PREPL: variants seen among roughly 807,000 people sequenced by gnomAD.
PREPL encodes prolyl endopeptidase like.
PREPL carries 77 observed loss-of-function variants against 70.6 expected under a neutral mutation model. The ratio of observed to expected loss-of-function variants is 1.09; its 90% confidence interval spans 0.91 to 1.32. The LOEUF (loss-of-function observed/expected upper bound fraction) is 1.32, where lower values mean the gene tolerates loss of function less well. Ranked by LOEUF, PREPL falls within the 40% of genes most tolerant of loss-of-function variation. The probability of loss-of-function intolerance (pLI) is 0.00; values close to 1 mark genes in which losing one functional copy is unlikely to be tolerated. For synonymous variants in PREPL, 315 were observed against 264.8 expected (o/e 1.19, Z -1.84); for missense variants, 1,002 against 778.2 (o/e 1.29, Z -3.42).
At position 44,317,987 on chromosome 2, in the gene PREPL, T is replaced by C. The variant is rs79748009; in HGVS notation, c.*3369A>G. 3.3e-4 allele frequency: 103 copies of C among 308,906 alleles called. 1 individual carries two copies. The East Asian group carries it at 0.011, about 34-fold the overall frequency. 19.1% of individuals were successfully genotyped at this position (308,906 alleles called of 1,614,324 possible). Reference sequence around the variant, plus strand: ...TAATAGAAAGCTTGCAACCCAGCTATAGCTATAAACACAAAAAATGAAGTT... The same window carrying C: ...TAATAGAAAGCTTGCAACCCAGCTACAGCTATAAACACAAAAAATGAAGTT... On this transcript the variant is annotated 3_prime_UTR_variant, in exon 14 of 14. Transcript: ENST00000409411.
chr2:44,349,754 A>AG (rs2104085157), intron 1 of PREPL, among the ~76,000 whole-genome samples: 1 of 152,278 alleles, frequency 6.6e-6, no homozygotes, highest in Admixed American at 6.5e-5. Flanking sequence ...CACGAGGTCA[A>AG]GAAAAAAGAA....
intron 1 of PREPL, 77 bp from the exon 2 acceptor site, chr2:44,346,467 C>G (rs1664079541): frequency 1.5e-6 from 2 of 1,336,576 alleles, no homozygotes; most frequent in African/African-American, 1.5e-5. Flanking sequence ...ATAAGTAGGT[C>G]TATACCGTAG....
At chr2:44,329,472 T>C (rs1435632329) in intron 8 of PREPL, among the ~76,000 whole-genome samples, 3 of 152,210 alleles carry the variant, frequency 2.0e-5, no homozygotes, top group Non-Finnish European at 4.4e-5. Context: ...AGTCCTAGTA[T>C]AGCACTCTTC....
In PREPL at chr2:44,338,650, C is replaced by G. The variant is rs1049220265; in HGVS notation, c.703-114G>C. The G allele has an allele frequency of 2.3e-5, 19 of 839,146 alleles. No individual in the cohort carries two copies. The African/African-American group carries it at 2.4e-4, about 11-fold the overall frequency. The allele number at this position is 839,146 out of a possible 1,614,324, so 52.0% of individuals were successfully genotyped here. On this transcript the variant is annotated intron_variant, in intron 6 of 13. Coordinates refer to ENST00000409411, the MANE Select transcript of PREPL (RefSeq NM_001171613.2). ...CTAGTCCTCACTGTTTTATGAAGAGCTGAAGGAACTAACGCTGCATCAGGG... is the reference window on the plus strand; with the variant it reads ...CTAGTCCTCACTGTTTTATGAAGAGGTGAAGGAACTAACGCTGCATCAGGG...
intron 6 of PREPL, 27 bp downstream of exon 6, chr2:44,339,120 A>T (rs1371407042): frequency 1.2e-6 from 2 of 1,611,664 alleles, no homozygotes; most frequent in East Asian, 4.5e-5. Flanking sequence ...AACAGCCCAA[A>T]TAGGAACAAC....
At chr2:44,337,626 G>T (rs1048014483) in intron 7 of PREPL, among the ~76,000 whole-genome samples, 2 of 152,138 alleles carry the variant, frequency 1.3e-5, no homozygotes, top group African/African-American at 4.8e-5. Flanking sequence ...AAACAAAATG[G>T]AAGCCATCCT....
intron 1 of PREPL, 37 bp from the exon 2 acceptor site, chr2:44,346,427 C>T (rs776626082): frequency 3.1e-6 from 5 of 1,595,454 alleles, no homozygotes; most frequent in Non-Finnish European, 3.4e-6. Context: ...ATATTTCAAA[C>T]TAGGGAAAAA....
intron 7 of PREPL, among the ~76,000 whole-genome samples, chr2:44,337,782 G>T (rs1674785308): frequency 6.6e-6 from 1 of 152,216 alleles, no homozygotes; most frequent in Admixed American, 6.5e-5. Flanking sequence ...CAACTAGTCA[G>T]CTTGCCAAGC....
rs991739022 is a variant in PREPL, at chr2:44,319,225, A to C, written c.*2131T>G. 6.6e-6 allele frequency: 1 copy of C among 152,620 alleles called. No individual in the cohort carries two copies. The highest frequency in any genetic ancestry group is 6.5e-5 in the Admixed American group (1 of 15,272). 9.5% of individuals were successfully genotyped at this position (152,620 alleles called of 1,614,324 possible). ...AACAATAACAACCACAATAACAACT[A>C]TCACCCCAGTAAACATGGCTGGCAA... is the stretch of plus-strand genomic sequence containing the variant. On this transcript the variant is annotated 3_prime_UTR_variant, in exon 14 of 14. Transcript: ENST00000409411.
intron 1 of PREPL, among the ~76,000 whole-genome samples, chr2:44,349,708 T>C (rs1006427084): frequency 1.3e-5 from 2 of 152,166 alleles, no homozygotes; most frequent in Admixed American, 1.3e-4. Context: ...CTCACGCCTG[T>C]AATCTCGGCA....
Position 44,320,536 on chromosome 2 carries a change from C to G in PREPL, c.*820G>C, listed in dbSNP as rs121912695. Reference sequence around the variant, plus strand: ...GAGGGACTCATCTTTGAACACAACACGAAGAATCTCCTTCATCGCCAAACA... The same window carrying G: ...GAGGGACTCATCTTTGAACACAACAGGAAGAATCTCCTTCATCGCCAAACA... On this transcript the variant is annotated 3_prime_UTR_variant, in exon 14 of 14. Coordinates refer to ENST00000409411, the MANE Select transcript of PREPL (RefSeq NM_001171613.2). The G allele has an allele frequency of 4.3e-6, 7 of 1,614,036 alleles. No homozygotes were observed. The highest frequency in any genetic ancestry group is 5.1e-6 in the Non-Finnish European group (6 of 1,179,934).
At chr2:44,326,968 A>G in intron 9 of PREPL, 40 bp from the exon 10 acceptor site, 1 of 1,556,560 alleles carries the variant, frequency 6.4e-7, no homozygotes, top group Non-Finnish European at 8.8e-7. Flanking sequence ...GGAAAAAAAA[A>G]GTTAATACTG....
intron 1 of PREPL, among the ~76,000 whole-genome samples, chr2:44,350,981 G>C (rs1336260517): frequency 7.3e-5 from 11 of 150,458 alleles, no homozygotes; most frequent in Non-Finnish European, 1.3e-4. Flanking sequence ...TTTTGTTTGA[G>C]ATGGGATTTC....
At chr2:44,333,499 G>A (rs544097038) in intron 7 of PREPL, among the ~76,000 whole-genome samples, 1 of 151,902 alleles carries the variant, frequency 6.6e-6, no homozygotes, top group African/African-American at 2.4e-5. Flanking sequence ...AAAATCAGAG[G>A]CACAGAAACA....
intron 11 of PREPL, 38 bp from the exon 12 acceptor site, chr2:44,322,892 T>G: frequency 6.2e-7 from 1 of 1,604,888 alleles, no homozygotes; most frequent in Non-Finnish European, 8.5e-7. Context: ...TTACATTATT[T>G]CTTATGGTCC....
Position 44,317,978 on chromosome 2 carries a change from A to ACCCAGC in PREPL, c.*3372_*3377dup. 7.1e-6 allele frequency: 2 copies of ACCCAGC among 280,508 alleles called. No individual in the cohort carries two copies. The highest frequency in any genetic ancestry group is 5.6e-5 in the South Asian group (2 of 35,682). The allele number at this position is 280,508 out of a possible 1,614,324, so 17.4% of individuals were successfully genotyped here. On this transcript the variant is annotated 3_prime_UTR_variant, in exon 14 of 14. Transcript: ENST00000409411. Reference sequence around the variant, plus strand: ...GCAAGCAAATAATAGAAAGCTTGCAACCCAGCTATAGCTATAAACACAAAA... The same window carrying ACCCAGC: ...GCAAGCAAATAATAGAAAGCTTGCAACCCAGCCCCAGCTATAGCTATAAACACAAAA...
chr2:44,331,004 G>A (rs62135190), intron 8 of PREPL, among the ~76,000 whole-genome samples: 5,518 of 152,132 alleles, frequency 0.036, 149 homozygotes, highest in South Asian at 0.07. Context: ...ATGCAATGGC[G>A]CAATCACAAC....
At chr2:44,356,902 T>C (rs1267212125) in intron 1 of PREPL, among the ~76,000 whole-genome samples, 4 of 146,950 alleles carry the variant, frequency 2.7e-5, no homozygotes, top group African/African-American at 1.1e-4. Context: ...CCTCCCAGGC[T>C]GAATCAATCA....
At chr2:44,359,899 T>A (rs1677490600) in intron 1 of PREPL, 1 of 560,532 alleles carries the variant, frequency 1.8e-6, no homozygotes, top group Non-Finnish European at 3.2e-6. Context: ...TTAGGCTAAC[T>A]AAATCTAAAA....
Sources: gnomAD v4.1 joint callset for allele counts (sites outside exome capture counted in the v4.1 genomes callset) on GRCh38, gnomAD v4.1.1 for gene constraint, MANE v1.5 for transcripts, NCBI Gene and HGNC (gene_info 2026-07-23, HGNC 2026-07-21) for gene names.